The following TMEM154 variants were observed in gnomAD, a reference collection of about 807,000 sequenced individuals.
The protein encoded by TMEM154 is transmembrane protein 154.
TMEM154 carries 27 observed loss-of-function variants against 24.5 expected under a neutral mutation model. The observed-to-expected ratio is 1.10, with a 90% CI of 0.81 to 1.52. TMEM154 has a LOEUF of 1.52. TMEM154 is among the 40% of genes most tolerant of loss of function. The probability of loss-of-function intolerance (pLI) is 0.00; values close to 1 mark genes in which losing one functional copy is unlikely to be tolerated. For synonymous variants in TMEM154, 67 were observed against 76.8 expected, an observed-to-expected ratio of 0.87 and a Z score of 0.67; for missense variants, 228 against 213.4, an observed-to-expected ratio of 1.07 and a Z score of -0.43.
At chr4:152,655,609 C>G (rs553304499) in intron 1 of TMEM154, among the ~76,000 whole-genome samples, 83 of 152,192 alleles carry the variant, frequency 5.5e-4, no homozygotes, top group African/African-American at 1.9e-3. Flanking sequence ...AAGGTAGGAG[C>G]CGCTGGCAGC....
At chr4:152,657,797 C>T (rs1579527266) in intron 1 of TMEM154, among the ~76,000 whole-genome samples, 1 of 152,086 alleles carries the variant, frequency 6.6e-6, no homozygotes, top group African/African-American at 2.4e-5. Context: ...CAGGAGACAA[C>T]AGGGTAATAA....
intron 6 of TMEM154, 46 bp from the exon 7 acceptor site, chr4:152,628,607 A>ACC: frequency 2.0e-6 from 2 of 1,014,846 alleles, no homozygotes; most frequent in Non-Finnish European, 2.7e-6. Flanking sequence ...AAAAACACAC[A>ACC]CACACACACA....
chr4:152,675,156 C>CAAAAAAA (rs368552348), intron 1 of TMEM154, among the ~76,000 whole-genome samples: 36 of 83,054 alleles, frequency 4.3e-4, no homozygotes, highest in South Asian at 8.9e-4. Context: ...GGCTCCATCT[C>CAAAAAAA]AAAAAAAAAA....
chr4:152,621,694 T>A lies in TMEM154; in HGVS notation c.*6852A>T, dbSNP rs1751845920. 1 of 152,230 alleles carries A rather than the reference T, an allele frequency of 6.6e-6. No homozygotes were observed. Among genetic ancestry groups the A allele is most frequent in the Non-Finnish European group, 1.5e-5 (1 of 68,044 alleles). 9.4% of individuals were successfully genotyped at this position (152,230 alleles called of 1,614,324 possible). A position where few individuals can be genotyped will look rare whatever the true frequency, so the allele number is the denominator to read the frequency against. ...TCATGTTATCTACAACTTATGAATC[T>A]GCCTTTCAGCCTTACTTTCTTCTAA... On this transcript the variant is annotated 3_prime_UTR_variant, in exon 7 of 7. Transcript: ENST00000304385.
chr4:152,641,102 T>A (rs139366162), intron 5 of TMEM154, 117 bp from the exon 6 acceptor site: 4 of 890,238 alleles, frequency 4.5e-6, no homozygotes, highest in Non-Finnish European at 6.7e-6. Flanking sequence ...TGCACAAAAA[T>A]GGCCTCACCA....
rs1751934186 is a variant in TMEM154, at chr4:152,627,066, A to AT, written c.*1479_*1480insA. On this transcript the variant is annotated 3_prime_UTR_variant, in exon 7 of 7. Coordinates refer to ENST00000304385, the MANE Select transcript of TMEM154 (RefSeq NM_152680.3). ...CCAGGATAGCGTGATAGCAGTGGTT[A>AT]AACACAACCAGCTAGTTATAGCTTT... The AT allele has an allele frequency of 6.6e-6, 1 of 152,242 alleles. No individual in the cohort carries two copies. Among genetic ancestry groups the AT allele is most frequent in the Non-Finnish European group, 1.5e-5 (1 of 68,048 alleles). 9.4% of individuals were successfully genotyped at this position (152,242 alleles called of 1,614,324 possible). A position where few individuals can be genotyped will look rare whatever the true frequency, so the allele number is the denominator to read the frequency against.
chr4:152,652,862 T>C lies in TMEM154; in HGVS notation c.130A>G (p.Thr44Ala). The C allele has an allele frequency of 6.2e-7, 1 of 1,613,964 alleles. No homozygotes were observed. The highest frequency in any genetic ancestry group is 8.5e-7 in the Non-Finnish European group (1 of 1,179,926). Residue 44 changes from threonine (T) to alanine (A), a missense_variant, in exon 2 of 7, where the codon ACT (threonine) becomes GCT (alanine). Transcript: ENST00000304385. ...ACTGCAGCAAATGTGCTTGGAATAGTCACTTTATTTGGTCTTTCAGATTCC... is the reference window on the plus strand; with the variant it reads ...ACTGCAGCAAATGTGCTTGGAATAGCCACTTTATTTGGTCTTTCAGATTCC... ...TVESERPNKV[T>A]IPSTFAAVTI...
intron 1 of TMEM154, among the ~76,000 whole-genome samples, chr4:152,655,660 C>T (rs1458882066): frequency 6.7e-6 from 1 of 148,758 alleles, no homozygotes; most frequent in Non-Finnish European, 1.5e-5. Context: ...GGCGCTCACA[C>T]ATGTTTATGT....
intron 1 of TMEM154, 84 bp from the exon 2 acceptor site, chr4:152,653,011 G>T: frequency 1.5e-6 from 2 of 1,355,802 alleles, no homozygotes; most frequent in Non-Finnish European, 2.0e-6. Context: ...ATTATTCCTA[G>T]ATACATTCTG....
At position 152,640,980 on chromosome 4, in the gene TMEM154, A is replaced by T. The variant is rs1752247349; in HGVS notation, c.484T>A (p.Phe162Ile). 6.2e-7 allele frequency: 1 copy of T among 1,610,982 alleles called. No homozygotes were observed. Residue 162 changes from phenylalanine (F) to isoleucine (I), a missense_variant, in exon 6 of 7, where the codon TTT becomes ATT. By Grantham distance (21) the Phe-to-Ile change is conservative. Coordinates refer to ENST00000304385, the MANE Select transcript of TMEM154 (RefSeq NM_152680.3). ...WMNSMNRNAD[F>I]ECLPTLKEEK... Reference sequence around the variant, plus strand: ...TCCTTCAAGGTAGGTAAACATTCAAAGTCGGCTAGGACAGAATAAAAGCAA... The same window carrying T: ...TCCTTCAAGGTAGGTAAACATTCAATGTCGGCTAGGACAGAATAAAAGCAA...
rs909980864 is a variant in TMEM154 at position 152,621,151 on chromosome 4, G to T, written c.*7395C>A. ...GTAAGCAGAGTTGCTTCACTGGGCT[G>T]GCAGGAAAGCTATTTAAAAGTGGCT... On this transcript the variant is annotated 3_prime_UTR_variant, in exon 7 of 7. Coordinates refer to ENST00000304385, the MANE Select transcript of TMEM154 (RefSeq NM_152680.3). 1 of 152,252 alleles carries T rather than the reference G, an allele frequency of 6.6e-6. No individual in the cohort carries two copies. Among genetic ancestry groups the T allele is most frequent in the Admixed American group, 6.5e-5 (1 of 15,284 alleles). The allele number at this position is 152,252 out of a possible 1,614,324, so 9.4% of individuals were successfully genotyped here. A position where few individuals can be genotyped will look rare whatever the true frequency, so the allele number is the denominator to read the frequency against.
intron 6 of TMEM154, among the ~76,000 whole-genome samples, chr4:152,630,241 G>A (rs945769456): frequency 3.4e-5 from 5 of 147,796 alleles, no homozygotes; most frequent in Admixed American, 1.4e-4. Flanking sequence ...GAGCCCTACC[G>A]TTCGAGGCTG....
At chr4:152,646,224 G>A (rs1368895175) in intron 3 of TMEM154, among the ~76,000 whole-genome samples, 5 of 152,150 alleles carry the variant, frequency 3.3e-5, no homozygotes, top group African/African-American at 9.6e-5. Context: ...TTTATAATCC[G>A]GGTTCCCCAC....
intron 5 of TMEM154, 77 bp from the exon 6 acceptor site, chr4:152,641,062 T>G: frequency 7.1e-7 from 1 of 1,399,748 alleles, no homozygotes; most frequent in Non-Finnish European, 9.9e-7. Context: ...TACAGTTAAA[T>G]ACCATAGTTC....
intron 1 of TMEM154, among the ~76,000 whole-genome samples, chr4:152,662,504 T>C (rs547297402): frequency 1.3e-5 from 2 of 151,790 alleles, no homozygotes; most frequent in Non-Finnish European, 2.9e-5. Flanking sequence ...GGTGACAAGG[T>C]AAGAGTTAGG....
At chr4:152,647,429 T>A (rs1237557883) in intron 3 of TMEM154, 4 of 672,240 alleles carry the variant, frequency 6.0e-6, no homozygotes, top group Non-Finnish European at 7.4e-6. Flanking sequence ...CAGTTAGTGA[T>A]CACGTCTGTG....
At chr4:152,659,815 TC>T (rs1728559920) in intron 1 of TMEM154, among the ~76,000 whole-genome samples, 1 of 152,230 alleles carries the variant, frequency 6.6e-6, no homozygotes, top group Admixed American at 6.5e-5. Context: ...CTGTGTTTTT[TC>T]TAAACATACC....
chr4:152,646,003 A>T (rs1752365425), intron 3 of TMEM154, among the ~76,000 whole-genome samples: 1 of 150,978 alleles, frequency 6.6e-6, no homozygotes, highest in Admixed American at 6.6e-5. Flanking sequence ...CACACTTTCT[A>T]TCTAAAATAT....
At chr4:152,645,777 A>G (rs1469204573) in intron 3 of TMEM154, among the ~76,000 whole-genome samples, 1 of 152,182 alleles carries the variant, frequency 6.6e-6, no homozygotes, top group African/African-American at 2.4e-5. Flanking sequence ...CTTGAATGGC[A>G]TTGCTAATCC....
Sources: allele counts gnomAD v4.1 joint callset (sites outside exome capture counted in the v4.1 genomes callset), GRCh38; gene constraint gnomAD v4.1.1; transcripts MANE v1.5; gene names NCBI Gene and HGNC (gene_info 2026-07-23, HGNC 2026-07-21).